DLG2: variants seen among roughly 807,000 people sequenced by gnomAD.
The protein encoded by DLG2 is discs large MAGUK scaffold protein 2.
Under a neutral mutation model 132.5 loss-of-function variants are expected in DLG2, and 45 were observed. That is an observed-to-expected ratio of 0.34 (90% CI 0.27 to 0.44). The LOEUF (loss-of-function observed/expected upper bound fraction) is 0.44, where lower values mean the gene tolerates loss of function less well. Ranked by LOEUF, DLG2 falls within the 20% of genes least tolerant of loss-of-function variation. The pLI is 1.00. For synonymous variants in DLG2, 424 were observed against 419.6 expected, an observed-to-expected ratio of 1.01 and a Z score of -0.13; for missense variants, 1,045 against 1,196.9, an observed-to-expected ratio of 0.87 and a Z score of 1.87.
intron 14 of DLG2, among the ~76,000 whole-genome samples, chr11:83,952,715 C>A (rs11233851): frequency 0.1 from 15,300 of 151,650 alleles, 850 homozygotes; most frequent in Non-Finnish European, 0.12. Context: ...TCTCATTGCA[C>A]ATAGTATGGT....
intron 11 of DLG2, among the ~76,000 whole-genome samples, chr11:84,050,619 C>G (rs1041933520): frequency 2.6e-5 from 4 of 151,944 alleles, no homozygotes; most frequent in African/African-American, 9.7e-5. Context: ...ATGGTATTGC[C>G]TAGGTTTTCT....
chr11:84,858,541 C>T (rs960423575), intron 6 of DLG2, among the ~76,000 whole-genome samples: 2 of 152,076 alleles, frequency 1.3e-5, no homozygotes, highest in Non-Finnish European at 1.5e-5. Flanking sequence ...TCCCAATTGT[C>T]TCATATCTTA....
At chr11:84,736,411 C>T (rs1360522350) in intron 6 of DLG2, among the ~76,000 whole-genome samples, 1 of 151,648 alleles carries the variant, frequency 6.6e-6, no homozygotes, top group East Asian at 1.9e-4. Flanking sequence ...AATTCTACAC[C>T]TACAAAAATT....
At chr11:84,982,803 A>G (rs2055943101) in intron 6 of DLG2, among the ~76,000 whole-genome samples, 2 of 152,216 alleles carry the variant, frequency 1.3e-5, no homozygotes, top group African/African-American at 2.4e-5. Context: ...AATATGGTAC[A>G]TCATATTACC....
At chr11:84,670,739 T>G (rs2099704921) in intron 6 of DLG2, among the ~76,000 whole-genome samples, 2 of 152,148 alleles carry the variant, frequency 1.3e-5, no homozygotes, top group Non-Finnish European at 2.9e-5. Context: ...AGAGCCAAGA[T>G]TTGAACTTAG....
chr11:83,726,429 G>A (rs1566721550), intron 18 of DLG2, among the ~76,000 whole-genome samples: 2 of 152,056 alleles, frequency 1.3e-5, no homozygotes, highest in African/African-American at 4.8e-5. Flanking sequence ...AAAATATTAG[G>A]AGAAAAGTTT....
chr11:85,079,709 G>T (rs938152906), intron 6 of DLG2, among the ~76,000 whole-genome samples: 8 of 152,034 alleles, frequency 5.3e-5, no homozygotes, highest in African/African-American at 1.9e-4. Context: ...GTGAATGGAG[G>T]TGGACAGGCA....
chr11:84,288,430 T>C (rs544050198), intron 7 of DLG2, among the ~76,000 whole-genome samples: 1 of 152,174 alleles, frequency 6.6e-6, no homozygotes, highest in Admixed American at 6.6e-5. Context: ...CTTTAGGCAA[T>C]AAGAAGCTAT....
intron 17 of DLG2, among the ~76,000 whole-genome samples, chr11:83,814,244 G>A (rs2048202166): frequency 6.6e-6 from 1 of 152,106 alleles, no homozygotes; most frequent in Admixed American, 6.6e-5. Flanking sequence ...CTTCTTTGAT[G>A]CAATCGCTTA....
chr11:84,571,042 G>A (rs1047615463), intron 6 of DLG2, among the ~76,000 whole-genome samples: 1 of 152,128 alleles, frequency 6.6e-6, no homozygotes, highest in Admixed American at 6.5e-5. Flanking sequence ...ACACATTTAT[G>A]AACATCCAAA....
intron 6 of DLG2, among the ~76,000 whole-genome samples, chr11:84,750,246 T>C (rs1405338166): frequency 6.6e-6 from 1 of 152,182 alleles, no homozygotes; most frequent in African/African-American, 2.4e-5. Context: ...GGTGATTTGC[T>C]GCACAGATCA....
At chr11:83,718,068 A>G (rs1465317520) in intron 18 of DLG2, among the ~76,000 whole-genome samples, 1 of 152,280 alleles carries the variant, frequency 6.6e-6, no homozygotes, top group East Asian at 1.9e-4. Flanking sequence ...GGGGACAAAG[A>G]CAAGTGCAGC....
chr11:85,341,178 G>C (rs1481124622), intron 3 of DLG2, among the ~76,000 whole-genome samples: 2 of 152,026 alleles, frequency 1.3e-5, no homozygotes, highest in African/African-American at 4.8e-5. Context: ...GAGTGTAGTG[G>C]CACGATCTCA....
At chr11:85,427,820 A>G (rs1327461714) in intron 3 of DLG2, among the ~76,000 whole-genome samples, 1 of 152,250 alleles carries the variant, frequency 6.6e-6, no homozygotes, top group East Asian at 1.9e-4. Flanking sequence ...CAATTAAAAG[A>G]CACAGACTGG....
chr11:83,934,031 T>C (rs576363169), intron 14 of DLG2, among the ~76,000 whole-genome samples: 1 of 152,330 alleles, frequency 6.6e-6, no homozygotes, highest in East Asian at 1.9e-4. Flanking sequence ...AGAGGTTCCT[T>C]GAGTCTAGAA....
chr11:83,860,068 G>A (rs1185367023), intron 16 of DLG2, among the ~76,000 whole-genome samples: 1 of 152,204 alleles, frequency 6.6e-6, no homozygotes, highest in Non-Finnish European at 1.5e-5. Flanking sequence ...GAAATGCCTG[G>A]AAGCCCAGGA....
chr11:85,474,469 A>G (rs1041324805), intron 3 of DLG2, among the ~76,000 whole-genome samples: 24 of 151,992 alleles, frequency 1.6e-4, no homozygotes, highest in African/African-American at 5.5e-4. Context: ...TGGATCAAGC[A>G]GAGAAAAAAT....
At chr11:85,118,484 G>T (rs1044207230) in intron 5 of DLG2, among the ~76,000 whole-genome samples, 2 of 152,024 alleles carry the variant, frequency 1.3e-5, no homozygotes, top group African/African-American at 4.8e-5. Flanking sequence ...GTAATGAGTG[G>T]AATAGGCTCT....
chr11:84,442,268 ATTTG>A (rs2099019495), intron 7 of DLG2, among the ~76,000 whole-genome samples: 1 of 151,974 alleles, frequency 6.6e-6, no homozygotes. Context: ...ATGTTTTTCC[ATTTG>A]TTTGTGTTCT....
Sources: gnomAD v4.1 joint callset for allele counts (sites outside exome capture counted in the v4.1 genomes callset) on GRCh38, gnomAD v4.1.1 for gene constraint, MANE v1.5 for transcripts, NCBI Gene and HGNC (gene_info 2026-07-23, HGNC 2026-07-21) for gene names.